Variants in EFCAB6 observed in about 807,000 individuals in gnomAD.
The protein encoded by EFCAB6 is EF-hand calcium binding domain 6.
Under a neutral mutation model 169.8 loss-of-function variants are expected in EFCAB6, and 156 were observed. The observed-to-expected ratio is 0.92, with a 90% CI of 0.81 to 1.05. The LOEUF (loss-of-function observed/expected upper bound fraction) is 1.05, where lower values mean the gene tolerates loss of function less well. Ranked by LOEUF, EFCAB6 falls within the 50% of genes least tolerant of loss-of-function variation. The probability of loss-of-function intolerance (pLI) is 0.00; values close to 1 mark genes in which losing one functional copy is unlikely to be tolerated. For synonymous variants in EFCAB6, 698 were observed against 676.4 expected (o/e 1.03, Z -0.50); for missense variants, 1,800 against 1,829.1 (o/e 0.98, Z 0.29).
At chr22:43,808,033 T>C (rs927712605) in intron 2 of EFCAB6, among the ~76,000 whole-genome samples, 5 of 152,196 alleles carry the variant, frequency 3.3e-5, no homozygotes, top group African/African-American at 1.2e-4. Context: ...GGAGATACAG[T>C]TGTCGTCCAT....
intron 8 of EFCAB6, among the ~76,000 whole-genome samples, chr22:43,726,181 A>T (rs897684436): frequency 6.6e-6 from 1 of 152,060 alleles, no homozygotes; most frequent in Non-Finnish European, 1.5e-5. Context: ...AAAACAAAAA[A>T]AGGGATGTCC....
chr22:43,603,099 C>A (rs945920245), intron 22 of EFCAB6, among the ~76,000 whole-genome samples: 1 of 152,140 alleles, frequency 6.6e-6, no homozygotes, highest in Admixed American at 6.5e-5. Context: ...GGAAGGACTG[C>A]CCTCCTGGTG....
At chr22:43,636,522 G>A (rs2055407872) in intron 17 of EFCAB6, among the ~76,000 whole-genome samples, 1 of 151,888 alleles carries the variant, frequency 6.6e-6, no homozygotes, top group South Asian at 2.1e-4. Flanking sequence ...TTAATGCTGT[G>A]CAAACTGAGT....
chr22:43,799,182 A>G (rs1408985800), intron 2 of EFCAB6, among the ~76,000 whole-genome samples: 1 of 152,016 alleles, frequency 6.6e-6, no homozygotes, highest in African/African-American at 2.4e-5. Context: ...AAAAATTTTA[A>G]TCAGCCAGGT....
intron 20 of EFCAB6, among the ~76,000 whole-genome samples, chr22:43,619,220 G>T (rs1416412204): frequency 6.6e-6 from 1 of 152,108 alleles, no homozygotes; most frequent in Admixed American, 6.6e-5. Flanking sequence ...TGCACACGTG[G>T]GTTTCCCTGA....
chr22:43,568,943 A>G (rs898075129), intron 26 of EFCAB6, among the ~76,000 whole-genome samples: 2 of 152,222 alleles, frequency 1.3e-5, no homozygotes, highest in East Asian at 1.9e-4. Context: ...AAGGGGGCCC[A>G]TGTGACCACC....
chr22:43,589,930 TA>T, intron 24 of EFCAB6, 143 bp downstream of exon 24: 1 of 1,082,476 alleles, frequency 9.2e-7, no homozygotes, highest in Non-Finnish European at 1.3e-6. Flanking sequence ...AAACCCATTC[TA>T]ATGTAACCCA....
At chr22:43,629,978 T>C (rs1368176600) in intron 19 of EFCAB6, among the ~76,000 whole-genome samples, 1 of 152,106 alleles carries the variant, frequency 6.6e-6, no homozygotes, top group African/African-American at 2.4e-5. Context: ...TATTTGTGGG[T>C]TGACAGGTTA....
intron 17 of EFCAB6, among the ~76,000 whole-genome samples, chr22:43,643,115 C>T (rs913194164): frequency 3.3e-5 from 5 of 152,144 alleles, no homozygotes; most frequent in Non-Finnish European, 7.4e-5. Context: ...AGGATCGCCA[C>T]GAAAGAGCAT....
chr22:43,624,122 G>A (rs1052034113), intron 20 of EFCAB6, among the ~76,000 whole-genome samples: 3 of 152,034 alleles, frequency 2.0e-5, no homozygotes, highest in Non-Finnish European at 4.4e-5. Context: ...TCCTTCATCT[G>A]TGAAACCAGC....
Position 43,788,003 on chromosome 22 carries a change from C to T in EFCAB6, c.-7-5678G>A, listed in dbSNP as rs567763391. Among the ~76,000 whole-genome samples, 13 of 152,186 alleles carry T rather than the reference C, an allele frequency of 8.5e-5. 1 individual carries two copies. The South Asian group carries it at 1.7e-3, about 19-fold the overall frequency. On this transcript the variant is annotated intron_variant, in intron 2 of 31. Coordinates refer to ENST00000262726, the MANE Select transcript of EFCAB6 (RefSeq NM_022785.4). ...GGGTACCAAGACCATTCAATGGGAA[C>T]AAAAAGTAGTCTTTTCAACGAACAG...
At chr22:43,699,216 T>G (rs931519375) in intron 10 of EFCAB6, among the ~76,000 whole-genome samples, 6 of 152,164 alleles carry the variant, frequency 3.9e-5, no homozygotes, top group Admixed American at 1.3e-4. Context: ...TGGCTGGTTT[T>G]GGGCAGTGTG....
intron 9 of EFCAB6, among the ~76,000 whole-genome samples, chr22:43,713,184 C>A (rs572030790): frequency 6.6e-6 from 1 of 152,242 alleles, no homozygotes; most frequent in African/African-American, 2.4e-5. Context: ...GTATTCATGA[C>A]TTTTTACCTG....
intron 17 of EFCAB6, among the ~76,000 whole-genome samples, chr22:43,666,573 A>G (rs1203377801): frequency 6.6e-6 from 1 of 152,106 alleles, no homozygotes; most frequent in Non-Finnish European, 1.5e-5. Context: ...ATTTAAATTA[A>G]TTCCTGAGAA....
At chr22:43,760,530 C>T (rs2061126241) in intron 5 of EFCAB6, among the ~76,000 whole-genome samples, 1 of 152,172 alleles carries the variant, frequency 6.6e-6, no homozygotes. Context: ...TGACTTCTGC[C>T]CTGTTTTTTC....
chr22:43,764,664 A>G (rs1408925269), intron 5 of EFCAB6, among the ~76,000 whole-genome samples: 1 of 152,212 alleles, frequency 6.6e-6, no homozygotes, highest in East Asian at 1.9e-4. Flanking sequence ...ATAATTGGTT[A>G]CACAACTCCT....
chr22:43,670,216 A>C (rs996208025), intron 15 of EFCAB6, among the ~76,000 whole-genome samples: 1 of 152,184 alleles, frequency 6.6e-6, no homozygotes, highest in African/African-American at 2.4e-5. Context: ...CAGCAAGTAC[A>C]CTTGTTTCTG....
intron 9 of EFCAB6, 144 bp from the exon 10 acceptor site, chr22:43,711,767 T>C: frequency 1.1e-6 from 1 of 944,620 alleles, no homozygotes; most frequent in Non-Finnish European, 1.5e-6. Flanking sequence ...GTACTGAACT[T>C]CAAATGTTTA....
chr22:43,648,779 C>T (rs1029819033), intron 17 of EFCAB6, among the ~76,000 whole-genome samples: 1 of 152,152 alleles, frequency 6.6e-6, no homozygotes, highest in Non-Finnish European at 1.5e-5. Flanking sequence ...GCCCTGGCAG[C>T]CTAGCTCCAG....
Sources: allele counts gnomAD v4.1 joint callset (sites outside exome capture counted in the v4.1 genomes callset), GRCh38; gene constraint gnomAD v4.1.1; transcripts MANE v1.5; gene names NCBI Gene and HGNC (gene_info 2026-07-23, HGNC 2026-07-21).